CSTPP1: variants seen among roughly 807,000 people sequenced by gnomAD.
CSTPP1 encodes centriolar satellite-associated tubulin polyglutamylase complex regulator 1.
chr11:47,121,405 T>A, the CSTPP1 span, among the ~76,000 whole-genome samples: 1 of 152,310 alleles, frequency 6.6e-6, no homozygotes, highest in East Asian at 1.9e-4. Context: ...ATTTAGATAT[T>A]TGGCATTGCC....
chr11:46,994,195 T>G, the CSTPP1 span, among the ~76,000 whole-genome samples: 1 of 152,350 alleles, frequency 6.6e-6, no homozygotes, highest in East Asian at 1.9e-4. Flanking sequence ...GATGGGGTTT[T>G]CTAAATATAT....
chr11:47,020,564 C>T, the CSTPP1 span, among the ~76,000 whole-genome samples: 1 of 151,962 alleles, frequency 6.6e-6, no homozygotes, highest in Non-Finnish European at 1.5e-5. Flanking sequence ...GAGAGCTGTT[C>T]ATTCGGCAAT....
chr11:47,043,649 A>G, the CSTPP1 span, among the ~76,000 whole-genome samples: 1 of 152,212 alleles, frequency 6.6e-6, no homozygotes, highest in East Asian at 1.9e-4. Flanking sequence ...AATAAACCCA[A>G]TAAACATAAA....
the CSTPP1 span, among the ~76,000 whole-genome samples, chr11:47,057,393 C>CACAT: frequency 1.3e-5 from 2 of 152,044 alleles, no homozygotes; most frequent in Non-Finnish European, 2.9e-5. Context: ...TACATATATA[C>CACAT]ACATACATAC....
the CSTPP1 span, among the ~76,000 whole-genome samples, chr11:47,017,173 A>ATTTTT: frequency 1.2e-5 from 1 of 82,212 alleles, no homozygotes; most frequent in Non-Finnish European, 2.3e-5. Flanking sequence ...AATTCTATGA[A>ATTTTT]TTTTTTTTTT....
At chr11:47,050,346 C>T in the CSTPP1 span, among the ~76,000 whole-genome samples, 120,253 of 152,052 alleles carry the variant, frequency 0.79, 48,786 homozygotes, top group African/African-American at 0.95. Flanking sequence ...GGTAATGAGT[C>T]AGGTAATATA....
the CSTPP1 span, among the ~76,000 whole-genome samples, chr11:47,012,498 G>A: frequency 5.9e-5 from 9 of 151,968 alleles, no homozygotes; most frequent in African/African-American, 2.2e-4. Flanking sequence ...GAAAGGAAGA[G>A]AAAAAAGATA....
the CSTPP1 span, among the ~76,000 whole-genome samples, chr11:47,107,518 C>A: frequency 2.1e-3 from 324 of 152,220 alleles, no homozygotes; most frequent in African/African-American, 7.5e-3. Context: ...TGAATGCAGT[C>A]CACTCTATCT....
the CSTPP1 span, among the ~76,000 whole-genome samples, chr11:47,094,067 A>G: frequency 2.0e-5 from 3 of 152,170 alleles, no homozygotes; most frequent in Non-Finnish European, 4.4e-5. Flanking sequence ...AGCCGGTGGA[A>G]GTTACCAGGA....
chr11:47,084,064 A>G, the CSTPP1 span, among the ~76,000 whole-genome samples: 1 of 152,348 alleles, frequency 6.6e-6, no homozygotes, highest in South Asian at 2.1e-4. Context: ...ATTGCTTGTT[A>G]ACATTTGGTA....
the CSTPP1 span, among the ~76,000 whole-genome samples, chr11:47,111,362 C>T: frequency 3.3e-5 from 5 of 152,168 alleles, no homozygotes; most frequent in Non-Finnish European, 7.4e-5. Flanking sequence ...TTCCCCGCTA[C>T]GAGTGCATTC....
At chr11:47,102,047 C>T in the CSTPP1 span, among the ~76,000 whole-genome samples, 1 of 152,068 alleles carries the variant, frequency 6.6e-6, no homozygotes, top group African/African-American at 2.4e-5. Flanking sequence ...AAATAATGAA[C>T]GTAATTCTCC....
chr11:47,161,191 G>C, the CSTPP1 span: 59 of 1,613,538 alleles, frequency 3.7e-5, no homozygotes, highest in East Asian at 1.6e-4. Context: ...TGGAACGGCT[G>C]TAAGTGTCAA....
chr11:46,942,752 C>T, the CSTPP1 span, among the ~76,000 whole-genome samples: 1 of 151,922 alleles, frequency 6.6e-6, no homozygotes, highest in Non-Finnish European at 1.5e-5. Flanking sequence ...TTACTGGTCC[C>T]AATTAGTAGT....
the CSTPP1 span, among the ~76,000 whole-genome samples, chr11:47,139,396 G>A: frequency 6.6e-6 from 1 of 152,132 alleles, no homozygotes; most frequent in Non-Finnish European, 1.5e-5. Flanking sequence ...GAAAGCAGCT[G>A]GGCGTGGTAG....
chr11:47,122,878 C>CA, the CSTPP1 span, among the ~76,000 whole-genome samples: 1 of 152,166 alleles, frequency 6.6e-6, no homozygotes, highest in Non-Finnish European at 1.5e-5. Context: ...TGCAGCCAAC[C>CA]AAAAAATAAA....
chr11:47,123,014 T>G, the CSTPP1 span: 2 of 152,188 alleles, frequency 1.3e-5, no homozygotes, highest in Admixed American at 6.5e-5. Context: ...TTCTTTTTTT[T>G]GTTGTTATTT....
At chr11:46,978,617 C>A in the CSTPP1 span, among the ~76,000 whole-genome samples, 3 of 152,142 alleles carry the variant, frequency 2.0e-5, no homozygotes, top group African/African-American at 2.4e-5. Context: ...TTGGCCTAGG[C>A]CTTTTTGTAT....
the CSTPP1 span, among the ~76,000 whole-genome samples, chr11:47,096,811 G>GAAA: frequency 5.9e-5 from 7 of 118,118 alleles, no homozygotes; most frequent in African/African-American, 9.9e-5. Context: ...AGGCCCAGCA[G>GAAA]AAAAAAAAAA....
Sources: allele counts gnomAD v4.1 joint callset (sites outside exome capture counted in the v4.1 genomes callset), GRCh38; gene constraint gnomAD v4.1.1; transcripts MANE v1.5; gene names NCBI Gene and HGNC (gene_info 2026-07-23, HGNC 2026-07-21).